The following PDE11A variants were observed in gnomAD, a reference collection of about 807,000 sequenced individuals.
The protein encoded by PDE11A is dual 3',5'-cyclic-AMP and -GMP phosphodiesterase 11A.
In PDE11A, 100 loss-of-function variants were observed where a neutral mutation model predicts 100.5. The observed-to-expected ratio is 1.00, with a 90% CI of 0.85 to 1.18. The LOEUF is 1.18. Among genes scored for constraint, PDE11A ranks in the 50% most tolerant of loss-of-function variants. PDE11A has a pLI of 0.00. For synonymous variants in PDE11A, 381 were observed against 420.8 expected (o/e 0.91, Z 1.16); for missense variants, 1,141 against 1,152.6 (o/e 0.99, Z 0.15).
chr2:177,918,061 A>T (rs2084980306), intron 2 of PDE11A, among the ~76,000 whole-genome samples: 1 of 152,254 alleles, frequency 6.6e-6, no homozygotes, highest in Admixed American at 6.5e-5. Flanking sequence ...GGCATTCTTA[A>T]TGGATAGCCT....
At chr2:177,860,843 GATTATCTCA>G in intron 5 of PDE11A, among the ~76,000 whole-genome samples, 1 of 151,742 alleles carries the variant, frequency 6.6e-6, no homozygotes, top group East Asian at 1.9e-4. Context: ...AAAATCACAT[GATTATCTCA>G]ATAGGCAAAA....
At chr2:178,036,522 C>A (rs2086616424) in intron 1 of PDE11A, among the ~76,000 whole-genome samples, 2 of 152,140 alleles carry the variant, frequency 1.3e-5, no homozygotes, top group African/African-American at 2.4e-5. Flanking sequence ...AAAAAAACTA[C>A]TTTAAATTTC....
intron 2 of PDE11A, among the ~76,000 whole-genome samples, chr2:178,095,082 G>A (rs942874684): frequency 2.2e-4 from 34 of 152,074 alleles, no homozygotes; most frequent in East Asian, 1.6e-3. Flanking sequence ...TCATTTTTAC[G>A]TTGCAAAACC....
intron 2 of PDE11A, among the ~76,000 whole-genome samples, chr2:178,101,132 C>T (rs890408180): frequency 2.6e-5 from 4 of 152,304 alleles, no homozygotes; most frequent in Middle Eastern, 6.8e-3. Context: ...GCTCAGCGGC[C>T]CCCAAGCCAC....
chr2:177,634,631 C>T (rs1027985790), intron 19 of PDE11A, among the ~76,000 whole-genome samples: 65 of 152,036 alleles, frequency 4.3e-4, no homozygotes, highest in Non-Finnish European at 1.6e-4. Flanking sequence ...CTCGTGATCC[C>T]CCCGCCTCCG....
intron 2 of PDE11A, among the ~76,000 whole-genome samples, chr2:177,920,619 A>G (rs988438836): frequency 2.0e-5 from 3 of 152,292 alleles, no homozygotes; most frequent in East Asian, 3.9e-4. Context: ...TGCAAAATAT[A>G]TAAAATGCCT....
At chr2:177,778,265 C>T (rs1050042301) in intron 9 of PDE11A, among the ~76,000 whole-genome samples, 12 of 152,334 alleles carry the variant, frequency 7.9e-5, no homozygotes, top group Non-Finnish European at 1.2e-4. Flanking sequence ...TTGCAGCCCC[C>T]AGAACTGTCC....
At position 177,626,255 on chromosome 2, in the gene PDE11A, A is replaced by G. The variant is rs1574074437; in HGVS notation, c.*3152T>C. 6.6e-6 allele frequency: 1 copy of G among 152,616 alleles called. No homozygotes were observed. The highest frequency in any genetic ancestry group is 2.4e-5 in the African/African-American group (1 of 41,450). 9.5% of individuals were successfully genotyped at this position (152,616 alleles called of 1,614,324 possible). ...AGCTACAGTGCTCACGGCAGCCTGCAGTCTCTGTCAGACCCTGGGTCCAGT... is the reference window on the plus strand; with the variant it reads ...AGCTACAGTGCTCACGGCAGCCTGCGGTCTCTGTCAGACCCTGGGTCCAGT... On this transcript the variant is annotated 3_prime_UTR_variant, in exon 20 of 20. Coordinates refer to ENST00000286063, the MANE Select transcript of PDE11A (RefSeq NM_016953.4).
chr2:178,025,519 T>C (rs2086467669), intron 1 of PDE11A, among the ~76,000 whole-genome samples: 1 of 152,204 alleles, frequency 6.6e-6, no homozygotes, highest in Non-Finnish European at 1.5e-5. Flanking sequence ...CTTATCATCA[T>C]GATTATTATT....
intron 2 of PDE11A, among the ~76,000 whole-genome samples, chr2:177,993,362 TTTC>T (rs1412216761): frequency 2.7e-5 from 4 of 149,246 alleles, no homozygotes; most frequent in Non-Finnish European, 6.0e-5. Context: ...CCTCTTTATT[TTTC>T]TTCTTTTTAA....
intron 2 of PDE11A, chr2:177,998,511 G>T: frequency 7.2e-7 from 1 of 1,386,948 alleles, no homozygotes; most frequent in Non-Finnish European, 1.0e-6. Context: ...GGTAAATTGA[G>T]GCAGTTCTTT....
At position 177,866,312 on chromosome 2, in the gene PDE11A, C is replaced by T. The variant is rs563773222; in HGVS notation, c.1367+9547G>A. ...ATGAGGGCAGGAACTGGGTCACTCC[C>T]GTGAAAGCATGATTTCTCCAACTGG... On this transcript the variant is annotated intron_variant, in intron 5 of 19. Coordinates refer to ENST00000286063, the MANE Select transcript of PDE11A (RefSeq NM_016953.4). Among the ~76,000 whole-genome samples, 3 of 152,294 alleles carry T rather than the reference C, an allele frequency of 2.0e-5. No individual in the cohort carries two copies. In the East Asian group the frequency reaches 5.8e-4, roughly 29 times the overall value.
intron 2 of PDE11A, among the ~76,000 whole-genome samples, chr2:177,941,189 C>T (rs1026286514): frequency 1.3e-5 from 2 of 152,200 alleles, no homozygotes; most frequent in African/African-American, 4.8e-5. Context: ...TTAGGTATTA[C>T]TAACTCATTT....
chr2:177,646,860 G>A (rs116046994), intron 19 of PDE11A, among the ~76,000 whole-genome samples: 9,913 of 152,198 alleles, frequency 0.065, 870 homozygotes, highest in African/African-American at 0.2. Context: ...AAGTTGTAAA[G>A]GACAGGCAAG....
intron 2 of PDE11A, among the ~76,000 whole-genome samples, chr2:177,928,326 T>A (rs2085159160): frequency 6.6e-6 from 1 of 152,110 alleles, no homozygotes. Context: ...TGAGACCCCA[T>A]CTCTATAAAA....
chr2:177,915,505 C>T (rs923541809), intron 2 of PDE11A, among the ~76,000 whole-genome samples: 1 of 152,196 alleles, frequency 6.6e-6, no homozygotes, highest in East Asian at 1.9e-4. Context: ...GGTACCTCTA[C>T]ATAATTTCAT....
intron 10 of PDE11A, among the ~76,000 whole-genome samples, chr2:177,735,748 C>T (rs933431072): frequency 1.3e-5 from 2 of 152,206 alleles, no homozygotes; most frequent in African/African-American, 4.8e-5. Flanking sequence ...AAAGGGCATC[C>T]GCTTTGCCAA....
At chr2:177,834,771 T>A (rs1432140176) in intron 6 of PDE11A, among the ~76,000 whole-genome samples, 1 of 152,074 alleles carries the variant, frequency 6.6e-6, no homozygotes, top group Admixed American at 6.5e-5. Context: ...GCACCTAAGC[T>A]TTTTTTTCTT....
At chr2:177,686,368 A>G (rs1476422407) in intron 15 of PDE11A, among the ~76,000 whole-genome samples, 1 of 152,134 alleles carries the variant, frequency 6.6e-6, no homozygotes, top group Non-Finnish European at 1.5e-5. Context: ...GTAGTTGGAG[A>G]CCAGCCTTAG....
Sources: allele counts gnomAD v4.1 joint callset (sites outside exome capture counted in the v4.1 genomes callset), GRCh38; gene constraint gnomAD v4.1.1; transcripts MANE v1.5; gene names NCBI Gene and HGNC (gene_info 2026-07-23, HGNC 2026-07-21).